IGSF11: variants seen among roughly 807,000 people sequenced by gnomAD.
IGSF11 encodes CXADR like 1.
Under a neutral mutation model 41.0 loss-of-function variants are expected in IGSF11, and 22 were observed. That is an observed-to-expected ratio of 0.54 (90% CI 0.38 to 0.77). IGSF11 has a LOEUF of 0.77. Ranked by LOEUF, IGSF11 falls within the 30% of genes least tolerant of loss-of-function variation. The pLI is 0.00. For missense variants in IGSF11, 444 were observed against 530.8 expected, an observed-to-expected ratio of 0.84 and a Z score of 1.61; for synonymous variants, 219 against 201.3, an observed-to-expected ratio of 1.09 and a Z score of -0.74.
At chr3:119,068,087 C>T (rs1942287634) in intron 1 of IGSF11, among the ~76,000 whole-genome samples, 1 of 152,168 alleles carries the variant, frequency 6.6e-6, no homozygotes, top group African/African-American at 2.4e-5. Flanking sequence ...TACTTAGGTT[C>T]TCTCAGCTTT....
intron 1 of IGSF11, among the ~76,000 whole-genome samples, chr3:119,114,406 T>A (rs2077228099): frequency 6.6e-6 from 1 of 152,238 alleles, no homozygotes; most frequent in African/African-American, 2.4e-5. Flanking sequence ...CTCTTGAACA[T>A]TTTGTCACTT....
At chr3:119,036,309 T>C (rs776799786), upstream of IGSF11, among the ~76,000 whole-genome samples, 2 of 152,242 alleles carry the variant, frequency 1.3e-5, no homozygotes, top group East Asian at 1.9e-4. Flanking sequence ...AACTATGATA[T>C]CACGAGGCTC....
At chr3:119,047,854 T>A (rs367617375) in intron 1 of IGSF11, among the ~76,000 whole-genome samples, 1 of 151,842 alleles carries the variant, frequency 6.6e-6, no homozygotes, top group Non-Finnish European at 1.5e-5. Flanking sequence ...CACTCAAAAC[T>A]GCTCAACTAC....
At chr3:118,916,223 A>C (rs983797378) in intron 4 of IGSF11, among the ~76,000 whole-genome samples, 40 of 151,398 alleles carry the variant, frequency 2.6e-4, no homozygotes, top group African/African-American at 9.5e-4. Flanking sequence ...ACCAGCTAAC[A>C]TCATAATGAC....
chr3:118,947,256 C>T (rs985809549), intron 1 of IGSF11: 2 of 152,164 alleles, frequency 1.3e-5, no homozygotes, highest in Non-Finnish European at 2.9e-5. Context: ...TGACTAGGTG[C>T]AAAATGGCTT....
intron 1 of IGSF11, among the ~76,000 whole-genome samples, chr3:118,931,843 C>T (rs1942878329): frequency 6.6e-6 from 1 of 151,824 alleles, no homozygotes; most frequent in Non-Finnish European, 1.5e-5. Context: ...TGCCATTCTC[C>T]TGCCTCAGCC....
chr3:119,060,528 T>C lies in IGSF11; in HGVS notation c.49+44616A>G, dbSNP rs116799842. Among the ~76,000 whole-genome samples, 1,321 of 152,316 alleles carry C rather than the reference T, an allele frequency of 8.7e-3. 4 individuals are homozygous for C. Among genetic ancestry groups the C allele is most frequent in the Middle Eastern group, 0.017 (5 of 294 alleles). On this transcript the variant is annotated intron_variant, in intron 1 of 6. Transcript: ENST00000354673. ...TTATATGGACCAGGCACTGTAACTA[T>C]ACTATACACTTTAACACAATCATCT...
At chr3:118,998,178 G>A (rs1936456802) in intron 1 of IGSF11, among the ~76,000 whole-genome samples, 1 of 152,136 alleles carries the variant, frequency 6.6e-6, no homozygotes, top group African/African-American at 2.4e-5. Context: ...AGATGAGTTG[G>A]CTTATGACCT....
intron 1 of IGSF11, among the ~76,000 whole-genome samples, chr3:119,034,289 G>C (rs752801347): frequency 3.7e-4 from 56 of 152,250 alleles, no homozygotes; most frequent in African/African-American, 1.3e-3. Context: ...GCCTGGGACC[G>C]GAGGTAGCCG....
chr3:118,925,868 G>A (rs1246040664), intron 4 of IGSF11: 3 of 275,964 alleles, frequency 1.1e-5, no homozygotes, highest in African/African-American at 6.6e-5. Context: ...ACGTGAATGG[G>A]AACAGTTTCC....
intron 6 of IGSF11, among the ~76,000 whole-genome samples, chr3:118,903,915 G>A (rs1223197015): frequency 2.0e-5 from 3 of 152,130 alleles, no homozygotes; most frequent in Non-Finnish European, 2.9e-5. Flanking sequence ...GAAAAGCATG[G>A]TCCAGGAAGA....
intron 1 of IGSF11, among the ~76,000 whole-genome samples, chr3:119,054,563 C>A (rs1484459632): frequency 2.6e-5 from 4 of 152,156 alleles, no homozygotes; most frequent in African/African-American, 9.7e-5. Flanking sequence ...GAAAAGGGAA[C>A]ACATTTATAC....
At chr3:119,080,863 T>A (rs2076575083) in intron 1 of IGSF11, among the ~76,000 whole-genome samples, 2 of 152,170 alleles carry the variant, frequency 1.3e-5, no homozygotes, top group African/African-American at 4.8e-5. Context: ...TTGCTTTTTA[T>A]CCCAGTTTAA....
chr3:118,939,527 G>A (rs1576426677), intron 1 of IGSF11, among the ~76,000 whole-genome samples: 1 of 150,748 alleles, frequency 6.6e-6, no homozygotes, highest in African/African-American at 2.5e-5. Flanking sequence ...AGTGAGCCAA[G>A]ATCGTGCCAC....
At chr3:119,113,768 C>G (rs2107523234) in intron 1 of IGSF11, among the ~76,000 whole-genome samples, 1 of 152,362 alleles carries the variant, frequency 6.6e-6, no homozygotes, top group African/African-American at 2.4e-5. Context: ...GTCTCAAACC[C>G]CACATTTCCC....
At chr3:119,096,487 T>C (rs1242292829) in intron 1 of IGSF11, among the ~76,000 whole-genome samples, 2 of 152,076 alleles carry the variant, frequency 1.3e-5, no homozygotes, top group African/African-American at 2.4e-5. Context: ...CCGAGGAATC[T>C]TCAAATGGAG....
chr3:119,047,915 T>C (rs960791547), intron 1 of IGSF11, among the ~76,000 whole-genome samples: 1 of 151,972 alleles, frequency 6.6e-6, no homozygotes, highest in African/African-American at 2.4e-5. Context: ...CATAACGAAA[T>C]GAAGGCAGAA....
At chr3:118,928,986 T>A (rs1195825952) in intron 2 of IGSF11, among the ~76,000 whole-genome samples, 1 of 152,142 alleles carries the variant, frequency 6.6e-6, no homozygotes, top group African/African-American at 2.4e-5. Context: ...CACCCTACTA[T>A]CAGTTCATAA....
upstream of IGSF11, among the ~76,000 whole-genome samples, chr3:119,036,034 TATC>T (rs1175813668): frequency 6.6e-6 from 1 of 152,250 alleles, no homozygotes; most frequent in Admixed American, 6.5e-5. Context: ...AAAATTAAAA[TATC>T]AAGATGGTGG....
Sources: gnomAD v4.1 joint callset for allele counts (sites outside exome capture counted in the v4.1 genomes callset) on GRCh38, gnomAD v4.1.1 for gene constraint, MANE v1.5 for transcripts, NCBI Gene and HGNC (gene_info 2026-07-23, HGNC 2026-07-21) for gene names.